Variants in FAM83F observed in about 807,000 individuals in gnomAD.
The protein encoded by FAM83F is protein FAM83F.
FAM83F carries 45 observed loss-of-function variants against 42.9 expected under a neutral mutation model. The ratio of observed to expected loss-of-function variants is 1.05; its 90% confidence interval spans 0.83 to 1.35. FAM83F has a LOEUF of 1.35. Ranked by LOEUF, FAM83F falls within the 40% of genes most tolerant of loss-of-function variation. FAM83F has a pLI of 0.00. For synonymous variants in FAM83F, 306 were observed against 298.3 expected, an observed-to-expected ratio of 1.03 and a Z score of -0.27; for missense variants, 617 against 695.9, an observed-to-expected ratio of 0.89 and a Z score of 1.28.
At position 40,038,072 on chromosome 22, in the gene FAM83F, A is replaced by G. The variant is rs1311161714; in HGVS notation, c.*8507A>G. The stretch of plus-strand genomic sequence containing the variant: ...TTCATTCATTTGTTCAAACGAACTT[A>G]TTGAGAACTTACTGTGTTCCAGGCA... On this transcript the variant is annotated 3_prime_UTR_variant, in exon 5 of 5. Coordinates refer to ENST00000333407, the MANE Select transcript of FAM83F (RefSeq NM_138435.4). 4.6e-5 allele frequency: 7 copies of G among 152,348 alleles called. No individual in the cohort carries two copies. The East Asian group carries it at 7.7e-4, about 17-fold the overall frequency. 9.4% of individuals were successfully genotyped at this position (152,348 alleles called of 1,614,324 possible). A position where few individuals can be genotyped will look rare whatever the true frequency, so the allele number is the denominator to read the frequency against.
intron 1 of FAM83F, among the ~76,000 whole-genome samples, chr22:40,012,188 G>A (rs1379295290): frequency 6.6e-6 from 1 of 151,728 alleles, no homozygotes; most frequent in East Asian, 1.9e-4. Context: ...AGGCTGGAGT[G>A]CAGTGGTGCC....
rs904248543 is a variant in FAM83F at position 39,999,894 on chromosome 22, A to C, written c.489+4363A>C. Among the ~76,000 whole-genome samples the C allele has an allele frequency of 1.4e-4, 22 of 152,228 alleles. 1 individual carries two copies. Among genetic ancestry groups the C allele is most frequent in the Admixed American group, 1.3e-3 (20 of 15,278 alleles). On this transcript the variant is annotated intron_variant, in intron 1 of 4. Coordinates refer to ENST00000333407, the MANE Select transcript of FAM83F (RefSeq NM_138435.4). ...TCCCTTTTCCTTCAAGGCCTGGCTA[A>C]GAGGCCACCTCTGCCTTGGCATTTT...
intron 3 of FAM83F, among the ~76,000 whole-genome samples, chr22:40,020,996 G>A (rs1601770578): frequency 6.6e-6 from 1 of 152,228 alleles, no homozygotes; most frequent in Non-Finnish European, 1.5e-5. Flanking sequence ...GTGAACATAT[G>A]TCCTGGGAGC....
chr22:39,999,441 C>A (rs915918543), intron 1 of FAM83F, among the ~76,000 whole-genome samples: 3 of 152,184 alleles, frequency 2.0e-5, no homozygotes, highest in Non-Finnish European at 4.4e-5. Context: ...ACCCTTGACC[C>A]CCGCATTCCT....
intron 1 of FAM83F, among the ~76,000 whole-genome samples, chr22:40,005,865 G>T (rs1312367574): frequency 6.6e-6 from 1 of 152,210 alleles, no homozygotes; most frequent in Non-Finnish European, 1.5e-5. Flanking sequence ...CGCGGCCACA[G>T]ATAGCTGGGA....
chr22:40,019,850 CA>C (rs768730113), intron 2 of FAM83F, 36 bp from the exon 3 acceptor site: 1 of 1,581,824 alleles, frequency 6.3e-7, no homozygotes, highest in South Asian at 1.2e-5. Flanking sequence ...GAGGCTGGCC[CA>C]ACCCAGGTGA....
In FAM83F at chr22:40,002,967, G is replaced by A. The variant is rs5757825; in HGVS notation, c.489+7436G>A. Among the ~76,000 whole-genome samples, 5 of 152,290 alleles carry A rather than the reference G, an allele frequency of 3.3e-5. No homozygotes were observed. In the East Asian group the frequency reaches 9.6e-4, roughly 29 times the overall value. On this transcript the variant is annotated intron_variant, in intron 1 of 4. Coordinates refer to ENST00000333407, the MANE Select transcript of FAM83F (RefSeq NM_138435.4). ...GCAGAACTCAGAAGAGGCTGGGGGA[G>A]ATTCCACCCAGGTCTCAGCTCAAAG...
rs563098569 is a variant in FAM83F, at chr22:40,033,527, T to C, written c.*3962T>C. 7.2e-5 allele frequency: 11 copies of C among 152,488 alleles called. No homozygotes were observed. The South Asian group carries it at 2.3e-3, about 32-fold the overall frequency. 9.4% of individuals were successfully genotyped at this position (152,488 alleles called of 1,614,324 possible). On this transcript the variant is annotated 3_prime_UTR_variant, in exon 5 of 5. Transcript: ENST00000333407. ...GTGATGCTTTGGAGCTGCAGAATCC[T>C]CTGTTGGGGATGGGGCTGCCCTGTG...
intron 1 of FAM83F, among the ~76,000 whole-genome samples, chr22:40,011,882 C>T (rs1014349319): frequency 2.6e-5 from 4 of 152,216 alleles, no homozygotes; most frequent in East Asian, 1.9e-4. Flanking sequence ...CAGGGGTGCA[C>T]GGCCAAGAGT....
At chr22:40,014,148 T>TG (rs397803489) in intron 1 of FAM83F, among the ~76,000 whole-genome samples, 1 of 148,588 alleles carries the variant, frequency 6.7e-6, no homozygotes, top group Non-Finnish European at 1.5e-5. Context: ...TTTTTTTTTT[T>TG]GTCTTATTGC....
rs1477894086 is a variant in FAM83F, at chr22:40,030,271, G to T, written c.*706G>T. Reference sequence around the variant, plus strand: ...TTTTTCCCTGCCCAGTGCCGTCCTGGCAGTCTCGGCATGGGTGGTTGAGAC... The same window carrying T: ...TTTTTCCCTGCCCAGTGCCGTCCTGTCAGTCTCGGCATGGGTGGTTGAGAC... On this transcript the variant is annotated 3_prime_UTR_variant, in exon 5 of 5. Coordinates refer to ENST00000333407, the MANE Select transcript of FAM83F (RefSeq NM_138435.4). 1 of 152,246 alleles carries T rather than the reference G, an allele frequency of 6.6e-6. No individual in the cohort carries two copies. The highest frequency in any genetic ancestry group is 6.5e-5 in the Admixed American group (1 of 15,270). The allele number at this position is 152,246 out of a possible 1,614,324, so 9.4% of individuals were successfully genotyped here.
intron 1 of FAM83F, among the ~76,000 whole-genome samples, chr22:40,004,784 C>T (rs564085923): frequency 2.0e-5 from 3 of 152,116 alleles, no homozygotes; most frequent in African/African-American, 2.4e-5. Flanking sequence ...TTTCATTTTA[C>T]GGATGAGGAA....
At chr22:40,018,316 C>T (rs2067501992) in intron 1 of FAM83F, among the ~76,000 whole-genome samples, 1 of 152,210 alleles carries the variant, frequency 6.6e-6, no homozygotes, top group African/African-American at 2.4e-5. Flanking sequence ...ATGTGTGGCT[C>T]ACGGAGATGA....
At chr22:39,999,411 C>T (rs1210939010) in intron 1 of FAM83F, among the ~76,000 whole-genome samples, 2 of 152,224 alleles carry the variant, frequency 1.3e-5, no homozygotes, top group East Asian at 3.9e-4. Flanking sequence ...AAGTTTACCA[C>T]ATCCGCTTCT....
At chr22:40,003,778 C>T (rs1461141986) in intron 1 of FAM83F, among the ~76,000 whole-genome samples, 2 of 152,156 alleles carry the variant, frequency 1.3e-5, no homozygotes, top group Non-Finnish European at 2.9e-5. Context: ...GTCTCTCTGG[C>T]CCAGGTTTCC....
chr22:40,010,539 G>C (rs1444504373), intron 1 of FAM83F, among the ~76,000 whole-genome samples: 1 of 152,362 alleles, frequency 6.6e-6, no homozygotes, highest in East Asian at 1.9e-4. Context: ...AAGCCAGGCT[G>C]TGGGGACTGC....
rs1186063166 is a variant in FAM83F, at chr22:40,037,503, A to C, written c.*7938A>C. ...CTCTGGCCTAGGACACCTCTCCTTT[A>C]TGCCTCCGCTCCCAACACGGACTCT... On this transcript the variant is annotated 3_prime_UTR_variant, in exon 5 of 5. Coordinates refer to ENST00000333407, the MANE Select transcript of FAM83F (RefSeq NM_138435.4). 6.6e-6 allele frequency: 1 copy of C among 152,252 alleles called. No homozygotes were observed. The highest frequency in any genetic ancestry group is 2.4e-5 in the African/African-American group (1 of 41,430). 9.4% of individuals were successfully genotyped at this position (152,252 alleles called of 1,614,324 possible).
chr22:40,013,942 T>C (rs532190944), intron 1 of FAM83F, among the ~76,000 whole-genome samples: 1 of 152,116 alleles, frequency 6.6e-6, no homozygotes, highest in East Asian at 1.9e-4. Context: ...TTTCTTTTGG[T>C]TGATTATTGC....
At position 39,995,228 on chromosome 22, in the gene FAM83F, G is replaced by A. The variant is rs144508688; in HGVS notation, c.186G>A (p.Pro62=). The A allele has an allele frequency of 3.9e-6, 6 of 1,533,238 alleles. No homozygotes were observed. Among genetic ancestry groups the A allele is most frequent in the African/African-American group, 1.4e-5 (1 of 72,812 alleles). The allele number at this position is 1,533,238 out of a possible 1,614,324, so 95.0% of individuals were successfully genotyped here. A position where few individuals can be genotyped will look rare whatever the true frequency, so the allele number is the denominator to read the frequency against. ...EEQLRDFLSS[P]ERQALRAAWS... is the part of the protein sequence containing the mutation. ...AGCTGCGGGACTTCCTCTCCAGCCC[G>A]GAGCGCCAGGCCCTGCGGGCCGCCT... is the stretch of plus-strand genomic sequence containing the variant. Residue 62 remains proline (P), a synonymous_variant, in exon 1 of 5, where the codon CCG becomes CCA. Transcript: ENST00000333407. This position sits in a 1 kb window ranked among gnomAD's most constrained non-coding sequence, Gnocchi z 4.6.
Sources: gnomAD v4.1 joint callset for allele counts (sites outside exome capture counted in the v4.1 genomes callset) on GRCh38, gnomAD v4.1.1 for gene constraint, Gnocchi (gnomAD v3.1) non-coding constraint, MANE v1.5 for transcripts, NCBI Gene and HGNC (gene_info 2026-07-23, HGNC 2026-07-21) for gene names.